The following ZZEF1 variants were observed in gnomAD, a reference collection of about 807,000 sequenced individuals.
ZZEF1 encodes zinc finger ZZ-type and EF-hand domain containing 1, also known as zinc finger ZZ-type and EF-hand domain-containing protein 1.
ZZEF1 carries 157 observed loss-of-function variants against 342.8 expected under a neutral mutation model. The observed-to-expected ratio is 0.46, with a 90% CI of 0.40 to 0.52. ZZEF1 has a LOEUF of 0.52. Among genes scored for constraint, ZZEF1 ranks in the 20% least tolerant of loss-of-function variants. The pLI, the probability that ZZEF1 is intolerant of heterozygous loss-of-function variation, is 0.00. For synonymous variants in ZZEF1, 1,505 were observed against 1,429.1 expected (o/e 1.05, Z -1.20); for missense variants, 3,480 against 3,725.6 (o/e 0.93, Z 1.72).
chr17:4,087,460 C>G lies in ZZEF1; in HGVS notation c.2316G>C (p.Trp772Cys). The change falls in exon 14 of 55, where the codon TGG (tryptophan) becomes TGC (cysteine). Residue 772 changes from tryptophan to cysteine, a missense_variant. By Grantham distance (215) the Trp-to-Cys change is radical (BLOSUM62 -2). Around this residue, in one of 5 missense-constraint regions of ZZEF1, gnomAD observed 1,528 missense variants for 1,624.1 expected, o/e 0.94. Coordinates refer to ENST00000381638, the MANE Select transcript of ZZEF1 (RefSeq NM_015113.4). ...TTTGCTTTAATTTACTGTAAAAATT[C>G]CAGAAGATCTGCAAATCAAGACCCG... Reference protein sequence around the residue: ...DFAGLDLQIFWNFYSKLKQNP... With the variant: ...DFAGLDLQIFCNFYSKLKQNP... The G allele has an allele frequency of 6.2e-7, 1 of 1,611,176 alleles. No individual in the cohort carries two copies. Among genetic ancestry groups the G allele is most frequent in the Non-Finnish European group, 8.5e-7 (1 of 1,179,250 alleles).
chr17:4,141,179 G>A (rs1004997565), intron 1 of ZZEF1, among the ~76,000 whole-genome samples: 1 of 152,218 alleles, frequency 6.6e-6, no homozygotes, highest in African/African-American at 2.4e-5. Flanking sequence ...AAAGTGCTGG[G>A]ATTACAGGCG....
intron 30 of ZZEF1, among the ~76,000 whole-genome samples, chr17:4,062,511 T>C (rs1484342711): frequency 1.3e-5 from 2 of 152,082 alleles, no homozygotes; most frequent in African/African-American, 2.4e-5. Flanking sequence ...ATATGAGGAA[T>C]GCAATTCTCA....
At position 4,050,890 on chromosome 17, in the gene ZZEF1, A is replaced by G. The variant is rs768086689; in HGVS notation, c.5754T>C (p.Asp1918=). The part of the protein sequence containing the change: ...LYSAHLASAE[D]VDGEKLDPQT... ...GGGGGTCCAGCTTCTCCCCATCCAC[A>G]TCCTCTGCACTGGCCAGGTGGGCGC... The change falls in exon 36 of 55, where the codon GAT becomes GAC. Residue 1918 remains aspartate (D), a synonymous_variant. Transcript: ENST00000381638. The G allele has an allele frequency of 6.2e-7, 1 of 1,614,188 alleles. No homozygotes were observed. Among genetic ancestry groups the G allele is most frequent in the South Asian group, 1.1e-5 (1 of 91,088 alleles).
intron 37 of ZZEF1, 135 bp downstream of exon 37, chr17:4,049,573 G>C: frequency 1.0e-6 from 1 of 985,104 alleles, no homozygotes; most frequent in Non-Finnish European, 1.5e-6. Context: ...CCCAAGGTTT[G>C]ATGGAGCAGG....
chr17:4,057,718 C>G (rs918785880), intron 32 of ZZEF1, among the ~76,000 whole-genome samples: 5 of 152,218 alleles, frequency 3.3e-5, no homozygotes, highest in Non-Finnish European at 7.3e-5. Context: ...CTACTGCATG[C>G]CAGACGCGGT....
chr17:4,100,457 A>G (rs2058108141), intron 9 of ZZEF1, among the ~76,000 whole-genome samples: 1 of 152,174 alleles, frequency 6.6e-6, no homozygotes, highest in African/African-American at 2.4e-5. Context: ...CAATCTAAGG[A>G]GGGGAAAAAG....
At chr17:4,126,363 G>GC (rs2058573744) in intron 1 of ZZEF1, among the ~76,000 whole-genome samples, 1 of 151,950 alleles carries the variant, frequency 6.6e-6, no homozygotes, top group African/African-American at 2.4e-5. Flanking sequence ...CTAAACAAAC[G>GC]CATTTACCTC....
intron 53 of ZZEF1, 106 bp from the exon 54 acceptor site, chr17:4,009,060 C>T (rs373174356): frequency 2.4e-5 from 32 of 1,350,684 alleles, no homozygotes; most frequent in Middle Eastern, 2.5e-4. Context: ...CTCTCATGGG[C>T]GGACGCTACT....
At chr17:4,078,231 G>C (rs2057660286) in intron 18 of ZZEF1, among the ~76,000 whole-genome samples, 189 bp from the exon 19 acceptor site, 1 of 152,096 alleles carries the variant, frequency 6.6e-6, no homozygotes, top group Non-Finnish European at 1.5e-5. Context: ...TTTCCCTCCA[G>C]CTTTTTGGAA....
intron 2 of ZZEF1, among the ~76,000 whole-genome samples, chr17:4,119,847 T>C (rs927002795): frequency 1.3e-5 from 2 of 151,600 alleles, no homozygotes; most frequent in Admixed American, 1.3e-4. Context: ...AAAGGTATCA[T>C]GTATAGAGTC....
chr17:4,138,285 G>A (rs1439851000), intron 1 of ZZEF1, among the ~76,000 whole-genome samples: 5 of 152,076 alleles, frequency 3.3e-5, no homozygotes, highest in Admixed American at 2.0e-4. Context: ...AGATTCCTAC[G>A]GCACAGTTCC....
intron 16 of ZZEF1, among the ~76,000 whole-genome samples, chr17:4,083,885 G>A (rs1452625995): frequency 3.9e-5 from 6 of 151,944 alleles, no homozygotes; most frequent in African/African-American, 9.7e-5. Flanking sequence ...CATTAGAAAC[G>A]CCTTTTTAAA....
chr17:4,014,109 G>A lies in ZZEF1; in HGVS notation c.8394C>T (p.His2798=), dbSNP rs145014505. The change falls in exon 51 of 55, where the codon CAC becomes CAT. Residue 2798 remains histidine, a synonymous_variant. Coordinates refer to ENST00000381638, the MANE Select transcript of ZZEF1 (RefSeq NM_015113.4). The surrounding 1 kb of genome is among the most constrained non-coding windows in gnomAD (Gnocchi z 4.4). ...WGYRFTVTAG[H]LGRFQTGFEI... is the part of the protein sequence containing the mutation. ...ACACACCTGTCTGGAACCGCCCCAGGTGTCCGGCCGTCACGGTGAATCTGT... is the reference window on the plus strand; with the variant it reads ...ACACACCTGTCTGGAACCGCCCCAGATGTCCGGCCGTCACGGTGAATCTGT... 1 of 1,614,032 alleles carries A rather than the reference G, an allele frequency of 6.2e-7. No homozygotes were observed. The highest frequency in any genetic ancestry group is 1.3e-5 in the African/African-American group (1 of 74,912).
At chr17:4,010,195 A>C (rs2055909222) in intron 52 of ZZEF1, among the ~76,000 whole-genome samples, 1 of 147,706 alleles carries the variant, frequency 6.8e-6, no homozygotes, top group Non-Finnish European at 1.5e-5. Context: ...ACAAAACCCC[A>C]AAAAACAAAC....
At chr17:4,046,122 C>A (rs906231355) in intron 37 of ZZEF1, among the ~76,000 whole-genome samples, 6 of 152,134 alleles carry the variant, frequency 3.9e-5, no homozygotes, top group Non-Finnish European at 8.8e-5. Flanking sequence ...CCACCACGCC[C>A]GGCCTCTTTA....
chr17:4,075,262 C>T lies in ZZEF1; in HGVS notation c.3401+1G>A. ...GGGGTGAAAGAATATAGAAGTCTTA[C>T]CTTTTTTCAGTTTCACACCTGTCAT... On this transcript the variant is annotated splice_donor_variant, in intron 22 of 54. Coordinates refer to ENST00000381638, the MANE Select transcript of ZZEF1 (RefSeq NM_015113.4). LOFTEE classifies it high-confidence loss of function. The T allele has an allele frequency of 1.2e-6, 2 of 1,614,070 alleles. No individual in the cohort carries two copies. The highest frequency in any genetic ancestry group is 1.7e-6 in the Non-Finnish European group (2 of 1,179,950).
intron 26 of ZZEF1, 88 bp downstream of exon 26, chr17:4,070,596 A>C: frequency 7.1e-7 from 1 of 1,410,292 alleles, no homozygotes; most frequent in South Asian, 1.4e-5. Flanking sequence ...TTATATTTTA[A>C]AATATTTTAA....
intron 16 of ZZEF1, among the ~76,000 whole-genome samples, chr17:4,083,254 C>T (rs1160527185): frequency 6.6e-6 from 1 of 152,206 alleles, no homozygotes; most frequent in African/African-American, 2.4e-5. Flanking sequence ...TCATTCAAAA[C>T]GTCATGCGTC....
At chr17:4,047,162 G>A (rs1250590857) in intron 37 of ZZEF1, among the ~76,000 whole-genome samples, 1 of 152,194 alleles carries the variant, frequency 6.6e-6, no homozygotes, top group Non-Finnish European at 1.5e-5. Context: ...TAAAAACAGT[G>A]CCCTGGGACC....
Sources: allele counts gnomAD v4.1 joint callset (sites outside exome capture counted in the v4.1 genomes callset), GRCh38; gene constraint gnomAD v4.1.1; regional missense constraint gnomAD v4.1.1; non-coding constraint Gnocchi (gnomAD v3.1); transcripts MANE v1.5; gene names NCBI Gene and HGNC (gene_info 2026-07-23, HGNC 2026-07-21).